The following HELZ variants were observed in gnomAD, a reference collection of about 807,000 sequenced individuals.
HELZ encodes helicase with zinc finger.
Under a neutral mutation model 218.2 loss-of-function variants are expected in HELZ, and 23 were observed. That is an observed-to-expected ratio of 0.11 (90% CI 0.08 to 0.15). The LOEUF is 0.15. HELZ is among the 10% of genes least tolerant of loss of function. The probability of loss-of-function intolerance (pLI) is 1.00; values close to 1 mark genes in which losing one functional copy is unlikely to be tolerated. For synonymous variants in HELZ, 814 were observed against 829.4 expected, an observed-to-expected ratio of 0.98 and a Z score of 0.32; for missense variants, 1,813 against 2,353.7, an observed-to-expected ratio of 0.77 and a Z score of 4.75.
At chr17:67,102,895 C>A (rs2036974048) in intron 31 of HELZ, among the ~76,000 whole-genome samples, 1 of 152,054 alleles carries the variant, frequency 6.6e-6, no homozygotes, top group Non-Finnish European at 1.5e-5. Flanking sequence ...CACACACAAA[C>A]AAAGATAACA....
chr17:67,173,004 G>A, intron 13 of HELZ: 1 of 966,268 alleles, frequency 1.0e-6, no homozygotes, highest in Non-Finnish European at 1.2e-6. Flanking sequence ...TAATCTCACA[G>A]TTTAGAGCAA....
chr17:67,183,099 T>C, intron 12 of HELZ, among the ~76,000 whole-genome samples: 1 of 152,230 alleles, frequency 6.6e-6, no homozygotes, highest in Non-Finnish European at 1.5e-5. Flanking sequence ...CAAAATCAGA[T>C]ACCACACTCT....
intron 5 of HELZ, among the ~76,000 whole-genome samples, chr17:67,207,797 C>G (rs2040343824): frequency 6.6e-6 from 1 of 152,060 alleles, no homozygotes; most frequent in Non-Finnish European, 1.5e-5. Context: ...TCACCTGAGT[C>G]CAGGAGTTCG....
chr17:67,233,794 AC>A (rs2041100614), intron 3 of HELZ, among the ~76,000 whole-genome samples: 1 of 151,810 alleles, frequency 6.6e-6, no homozygotes, highest in Non-Finnish European at 1.5e-5. Flanking sequence ...TCTTCCAGCC[AC>A]CCAACCATAA....
chr17:67,125,301 T>A (rs1229914715), intron 24 of HELZ, among the ~76,000 whole-genome samples: 2 of 18,818 alleles, frequency 1.1e-4, no homozygotes, highest in Non-Finnish European at 2.1e-4. Context: ...TATATATATA[T>A]ATATATATAT....
At chr17:67,143,517 G>T (rs1307254588) in intron 21 of HELZ, among the ~76,000 whole-genome samples, 1 of 151,896 alleles carries the variant, frequency 6.6e-6, no homozygotes, top group African/African-American at 2.4e-5. Flanking sequence ...TTGGGAGGCT[G>T]AAGTTAAAGG....
chr17:67,146,107 G>C (rs1332124017), intron 20 of HELZ, among the ~76,000 whole-genome samples: 4 of 152,228 alleles, frequency 2.6e-5, no homozygotes, highest in Admixed American at 2.6e-4. Flanking sequence ...TTTTGGTAAG[G>C]TACGAAGCCA....
At chr17:67,148,465 A>T in intron 20 of HELZ, 104 bp downstream of exon 20, 1 of 885,064 alleles carries the variant, frequency 1.1e-6, no homozygotes. Context: ...GACACTATGT[A>T]AGTGTGTTGG....
chr17:67,171,594 C>T (rs2039311351), intron 13 of HELZ, among the ~76,000 whole-genome samples: 1 of 152,172 alleles, frequency 6.6e-6, no homozygotes. Flanking sequence ...AACATGACTT[C>T]TTGTCTCAAA....
intron 32 of HELZ, 25 bp downstream of exon 32, chr17:67,086,804 G>A: frequency 1.2e-6 from 2 of 1,612,246 alleles, no homozygotes; most frequent in Middle Eastern, 1.7e-4. Flanking sequence ...GTACAGATTA[G>A]TTTTAGCCAC....
rs551201524 is a variant in HELZ, at chr17:67,076,740, A to T, written c.*1512T>A. 1.3e-5 allele frequency: 2 copies of T among 152,346 alleles called. No individual in the cohort carries two copies. Among genetic ancestry groups the T allele is most frequent in the African/African-American group, 4.8e-5 (2 of 41,578 alleles). 9.4% of individuals were successfully genotyped at this position (152,346 alleles called of 1,614,324 possible). Reference sequence around the variant, plus strand: ...CTTTGCCATTTTACAACCTGATTTTAAAAATGTACTTTGATTATAGGATTG... The same window carrying T: ...CTTTGCCATTTTACAACCTGATTTTTAAAATGTACTTTGATTATAGGATTG... On this transcript the variant is annotated 3_prime_UTR_variant, in exon 33 of 33. Coordinates refer to ENST00000358691, the MANE Select transcript of HELZ (RefSeq NM_014877.4).
intron 17 of HELZ, among the ~76,000 whole-genome samples, chr17:67,154,727 C>T (rs2038787150): frequency 6.6e-6 from 1 of 152,080 alleles, no homozygotes. Context: ...AATTCAAGAC[C>T]ATGCTTGTAA....
upstream of HELZ, chr17:67,245,558 G>A: frequency 1.0e-6 from 1 of 979,364 alleles, no homozygotes; most frequent in South Asian, 4.7e-5. Flanking sequence ...GGAGCTGCTC[G>A]CGGATTTATT....
At chr17:67,078,629 G>C in intron 32 of HELZ, 43 bp from the exon 33 acceptor site, 1 of 1,356,576 alleles carries the variant, frequency 7.4e-7, no homozygotes, top group Non-Finnish European at 9.8e-7. Context: ...GATGAGCCCA[G>C]CAATGTTCAT....
intron 24 of HELZ, among the ~76,000 whole-genome samples, chr17:67,128,068 A>G (rs2037858933): frequency 6.6e-6 from 1 of 152,122 alleles, no homozygotes; most frequent in Non-Finnish European, 1.5e-5. Context: ...CAAAATAACT[A>G]TAGTTCAAAA....
chr17:67,218,858 T>A (rs2040674077), intron 3 of HELZ, 36 bp from the exon 4 acceptor site: 1 of 1,450,918 alleles, frequency 6.9e-7, no homozygotes, highest in Non-Finnish European at 9.6e-7. Context: ...GAAGGTTTTT[T>A]AAACTTATTA....
chr17:67,136,098 A>C lies in HELZ; in HGVS notation c.3054T>G (p.Asp1018Glu). 1.9e-6 allele frequency: 3 copies of C among 1,613,934 alleles called. No individual in the cohort carries two copies. Among genetic ancestry groups the C allele is most frequent in the Non-Finnish European group, 2.5e-6 (3 of 1,179,842 alleles). ...AACCATAATCTAAGTCCTCTGTGGAATCTTCCAGAAGTTGCTCTTTCTTTT... is the reference window on the plus strand; with the variant it reads ...AACCATAATCTAAGTCCTCTGTGGACTCTTCCAGAAGTTGCTCTTTCTTTT... ...PIKKKEQLLEDSTEDLDYGFL... is the reference protein window; with the variant it reads ...PIKKKEQLLEESTEDLDYGFL... Residue 1018 changes from aspartate (D) to glutamate (E), a missense_variant, in exon 23 of 33, where the codon GAT becomes GAG. Coordinates refer to ENST00000358691, the MANE Select transcript of HELZ (RefSeq NM_014877.4).
At chr17:67,149,834 T>TA (rs767383787) in intron 19 of HELZ, 33 bp downstream of exon 19, 115 of 1,204,492 alleles carry the variant, frequency 9.5e-5, no homozygotes, top group Non-Finnish European at 1.3e-4. Flanking sequence ...AATTAAAAGT[T>TA]ACTTTCAACA....
chr17:67,156,089 C>T (rs1215320701), intron 17 of HELZ, among the ~76,000 whole-genome samples: 2 of 149,206 alleles, frequency 1.3e-5, no homozygotes, highest in African/African-American at 4.9e-5. Flanking sequence ...AAAAAATTCC[C>T]TTGGGAATGA....
Sources: allele counts gnomAD v4.1 joint callset (sites outside exome capture counted in the v4.1 genomes callset), GRCh38; gene constraint gnomAD v4.1.1; transcripts MANE v1.5; gene names NCBI Gene and HGNC (gene_info 2026-07-23, HGNC 2026-07-21).